The following ZNF385B variants were observed in gnomAD, a reference collection of about 807,000 sequenced individuals.
ZNF385B encodes zinc finger protein 533.
A neutral mutation model predicts 39.2 loss-of-function variants in ZNF385B; 23 were observed. That is an observed-to-expected ratio of 0.59 (90% CI 0.42 to 0.83). The LOEUF is 0.83. Among genes scored for constraint, ZNF385B ranks in the 40% least tolerant of loss-of-function variants. The probability of loss-of-function intolerance (pLI) is 0.00; values close to 1 mark genes in which losing one functional copy is unlikely to be tolerated. For synonymous variants in ZNF385B, 205 were observed against 222.6 expected, an observed-to-expected ratio of 0.92 and a Z score of 0.70; for missense variants, 552 against 598.9, an observed-to-expected ratio of 0.92 and a Z score of 0.82.
intron 1 of ZNF385B, among the ~76,000 whole-genome samples, chr2:179,787,138 T>C (rs751739939): frequency 3.4e-4 from 51 of 152,118 alleles, no homozygotes; most frequent in Non-Finnish European, 5.7e-4. Context: ...ATTTAACACA[T>C]AAACTCTGTC....
At chr2:179,564,284 T>G (rs929034808) in intron 3 of ZNF385B, among the ~76,000 whole-genome samples, 2 of 152,112 alleles carry the variant, frequency 1.3e-5, no homozygotes, top group African/African-American at 4.8e-5. Flanking sequence ...TAAGGAACAC[T>G]TAAGCCTCTA....
rs60580947 is a variant in ZNF385B, at chr2:179,741,471, A to G, written c.298+28032T>C. Among the ~76,000 whole-genome samples the G allele has an allele frequency of 2.2e-3, 329 of 152,180 alleles. 3 individuals are homozygous for G. Among genetic ancestry groups the G allele is most frequent in the African/African-American group, 7.6e-3 (316 of 41,538 alleles). ...ATTTTGCAATATGGCCTGAAGTGACATGAACACTCTCAGCAAAGGACCCTT... is the reference window on the plus strand; with the variant it reads ...ATTTTGCAATATGGCCTGAAGTGACGTGAACACTCTCAGCAAAGGACCCTT... On this transcript the variant is annotated intron_variant, in intron 3 of 9. Transcript: ENST00000410066.
At chr2:179,555,926 T>C (rs1172009438) in intron 3 of ZNF385B, among the ~76,000 whole-genome samples, 2 of 149,286 alleles carry the variant, frequency 1.3e-5, no homozygotes, top group East Asian at 3.9e-4. Flanking sequence ...CATTTAAAAA[T>C]AAATCCTTTT....
intron 6 of ZNF385B, among the ~76,000 whole-genome samples, chr2:179,450,206 T>A (rs1300526566): frequency 6.6e-6 from 1 of 151,718 alleles, no homozygotes; most frequent in Non-Finnish European, 1.5e-5. Context: ...GGACTTCATG[T>A]CTAAAACACC....
intron 3 of ZNF385B, among the ~76,000 whole-genome samples, chr2:179,587,308 GCTT>G (rs1687166596): frequency 6.6e-6 from 1 of 152,062 alleles, no homozygotes; most frequent in African/African-American, 2.4e-5. Flanking sequence ...AATTTATTTG[GCTT>G]CTAAAACATA....
At chr2:179,591,924 C>G (rs977642673) in intron 3 of ZNF385B, among the ~76,000 whole-genome samples, 2 of 152,114 alleles carry the variant, frequency 1.3e-5, no homozygotes, top group African/African-American at 4.8e-5. Flanking sequence ...AGCTCATTTT[C>G]TTTTTCCTTA....
At chr2:179,471,280 A>G (rs1005081078) in intron 6 of ZNF385B, among the ~76,000 whole-genome samples, 5 of 152,182 alleles carry the variant, frequency 3.3e-5, no homozygotes, top group Admixed American at 2.6e-4. Context: ...CCCATGATAC[A>G]TACCTCATCA....
intron 3 of ZNF385B, chr2:179,746,053 A>C (rs1702363996): frequency 9.4e-7 from 1 of 1,059,526 alleles, no homozygotes; most frequent in African/African-American, 1.7e-5. Flanking sequence ...GTCAATGTAC[A>C]AGTCTGAGGT....
chr2:179,485,601 A>C (rs1190344919), intron 5 of ZNF385B, among the ~76,000 whole-genome samples: 1 of 152,220 alleles, frequency 6.6e-6, no homozygotes, highest in South Asian at 2.1e-4. Context: ...GAATTTATTC[A>C]TGCCAAATAT....
At position 179,537,755 on chromosome 2, in the gene ZNF385B, A is replaced by AACAAC. The variant is rs72347903; in HGVS notation, c.441+7071_441+7072insGTTGT. 2.7e-3 allele frequency among the ~76,000 whole-genome samples: 398 copies of AACAAC among 146,544 alleles called. 1 individual carries two copies. Among genetic ancestry groups the AACAAC allele is most frequent in the African/African-American group, 9.8e-3 (376 of 38,364 alleles). ...GACTCTGTCTCAAAAACAAACAAAC[A>AACAAC]AACAAACAAACAAAAAAAAAAATTA... On this transcript the variant is annotated intron_variant, in intron 4 of 9. Transcript: ENST00000410066.
At chr2:179,531,238 G>T (rs2059231244) in intron 4 of ZNF385B, among the ~76,000 whole-genome samples, 1 of 152,206 alleles carries the variant, frequency 6.6e-6, no homozygotes, top group Non-Finnish European at 1.5e-5. Flanking sequence ...TCCAGTTAAA[G>T]TGGAATTTTA....
chr2:179,553,612 G>A (rs1305390782), intron 3 of ZNF385B, among the ~76,000 whole-genome samples: 3 of 148,872 alleles, frequency 2.0e-5, no homozygotes, highest in Non-Finnish European at 4.4e-5. Context: ...GTATGTGGCA[G>A]AGCCTGGGTC....
intron 3 of ZNF385B, among the ~76,000 whole-genome samples, chr2:179,549,235 C>T (rs927226635): frequency 1.3e-5 from 2 of 149,414 alleles, no homozygotes; most frequent in Non-Finnish European, 3.0e-5. Flanking sequence ...ATTTGAATTA[C>T]TCCCACTATT....
At chr2:179,714,942 CAAAAAAA>C (rs34449760) in intron 3 of ZNF385B, among the ~76,000 whole-genome samples, 2 of 79,230 alleles carry the variant, frequency 2.5e-5, no homozygotes, top group East Asian at 8.0e-4. Flanking sequence ...GATTCTATCT[CAAAAAAA>C]AAAAAAAAAA....
intron 1 of ZNF385B, 95 bp downstream of exon 1, chr2:179,861,006 G>A (rs1320152454): frequency 6.0e-6 from 1 of 167,498 alleles, no homozygotes; most frequent in Non-Finnish European, 1.4e-5. Flanking sequence ...GGCGCGCCCA[G>A]GTGCAGGCTC....
chr2:179,551,634 T>A (rs1367275929), intron 3 of ZNF385B, among the ~76,000 whole-genome samples: 20 of 152,114 alleles, frequency 1.3e-4, no homozygotes, highest in Admixed American at 1.3e-3. Flanking sequence ...TTTCCAGGAA[T>A]CTTCATGAAT....
intron 5 of ZNF385B, among the ~76,000 whole-genome samples, chr2:179,500,451 C>T (rs1347177996): frequency 6.6e-6 from 1 of 152,054 alleles, no homozygotes. Context: ...CAGATATCTA[C>T]AGTGAACTCA....
chr2:179,736,520 T>A (rs1224968235), intron 3 of ZNF385B, among the ~76,000 whole-genome samples: 3 of 152,210 alleles, frequency 2.0e-5, no homozygotes, highest in African/African-American at 7.2e-5. Context: ...CAAGGACAGT[T>A]AATCGTATTA....
intron 3 of ZNF385B, among the ~76,000 whole-genome samples, chr2:179,548,935 AC>A (rs1489686063): frequency 4.0e-5 from 6 of 149,412 alleles, no homozygotes; most frequent in African/African-American, 1.5e-4. Context: ...TCTAAGGGAA[AC>A]TTATCCGTTA....
Sources: allele counts gnomAD v4.1 joint callset (sites outside exome capture counted in the v4.1 genomes callset), GRCh38; gene constraint gnomAD v4.1.1; transcripts MANE v1.5; gene names NCBI Gene and HGNC (gene_info 2026-07-23, HGNC 2026-07-21).